The following DNAH12 variants were observed in gnomAD, a reference collection of about 807,000 sequenced individuals.
The protein encoded by DNAH12 is dynein axonemal heavy chain 12.
DNAH12 carries 285 observed loss-of-function variants against 371.5 expected under a neutral mutation model. That is an observed-to-expected ratio of 0.77 (90% CI 0.70 to 0.85). The LOEUF (loss-of-function observed/expected upper bound fraction) is 0.85, where lower values mean the gene tolerates loss of function less well. Ranked by LOEUF, DNAH12 falls within the 40% of genes least tolerant of loss-of-function variation. The pLI, the probability that DNAH12 is intolerant of heterozygous loss-of-function variation, is 0.00. For synonymous variants in DNAH12, 1,200 were observed against 1,213.0 expected (o/e 0.99, Z 0.22); for missense variants, 3,611 against 3,689.4 (o/e 0.98, Z 0.55).
intron 23 of DNAH12, among the ~76,000 whole-genome samples, chr3:57,454,498 A>T (rs993266905): frequency 1.3e-5 from 2 of 150,804 alleles, no homozygotes; most frequent in Non-Finnish European, 3.0e-5. Context: ...AAAAAAAATG[A>T]ATAGTTGTAA....
At chr3:57,341,354 T>TA (rs1197459212) in intron 60 of DNAH12, among the ~76,000 whole-genome samples, 6 of 152,122 alleles carry the variant, frequency 3.9e-5, no homozygotes, top group Non-Finnish European at 8.8e-5. Context: ...TAGAAAAACT[T>TA]AGACTCTACC....
rs2062988314 is a variant in DNAH12, at chr3:57,363,732, C to T, written c.9222G>A (p.Lys3074=). 6.6e-6 allele frequency: 1 copy of T among 152,034 alleles called. No homozygotes were observed. Among genetic ancestry groups the T allele is most frequent in the Non-Finnish European group, 1.5e-5 (1 of 67,970 alleles). 9.4% of individuals were successfully genotyped at this position (152,034 alleles called of 1,614,324 possible). A position where few individuals can be genotyped will look rare whatever the true frequency, so the allele number is the denominator to read the frequency against. ...NALILQSAAN[K]KQLKDIEKKI... ...TTTTCTCTATGTCTTTCAGCTGTTT[C>T]TTGTTAGCTGCAGACTGAAGAATCA... The change falls in exon 58 of 74, where the codon AAG becomes AAA. Residue 3074 remains lysine, a synonymous_variant. Transcript: ENST00000495027.
chr3:57,404,261 G>A (rs73833902), intron 42 of DNAH12, among the ~76,000 whole-genome samples: 2,626 of 151,998 alleles, frequency 0.017, 91 homozygotes, highest in African/African-American at 0.06. Context: ...ATGCAATATA[G>A]TGGTAAATAT....
Position 57,323,113 on chromosome 3 carries a change from A to G in DNAH12, c.10277T>C (p.Leu3426Pro), listed in dbSNP as rs1247685792. Residue 3426 changes from leucine (L) to proline (P), a missense_variant, in exon 64 of 74, where the codon CTT becomes CCT. Transcript: ENST00000495027. ...GTWVCLQNCH[L>P]AVSWMPMLEK... ...CAACATGGGCATCCAGGACACTGCA[A>G]GATGGCAATTCTGTAGGCACACCCA... 2 of 1,552,338 alleles carry G rather than the reference A, an allele frequency of 1.3e-6. No individual in the cohort carries two copies. Among genetic ancestry groups the G allele is most frequent in the Admixed American group, 2.0e-5 (1 of 50,998 alleles).
At chr3:57,523,354 G>C (rs1335032957) in intron 4 of DNAH12, among the ~76,000 whole-genome samples, 1 of 152,108 alleles carries the variant, frequency 6.6e-6, no homozygotes, top group East Asian at 1.9e-4. Flanking sequence ...CTGCCCTCCA[G>C]CCTTGGTGAC....
rs1326419925 is a variant in DNAH12, at chr3:57,322,353, C to T, written c.10514G>A (p.Gly3505Glu). 6.4e-7 allele frequency: 1 copy of T among 1,550,888 alleles called. No individual in the cohort carries two copies. Among genetic ancestry groups the T allele is most frequent in the South Asian group, 1.2e-5 (1 of 83,788 alleles). ...SDPEFFKGCR[G>E]KELAWEKLLF... ...AAAGATGAATATTACCAGTTCCTTTCCACGGCATCCCTTGAAAAACTCAGG... is the reference window on the plus strand; with the variant it reads ...AAAGATGAATATTACCAGTTCCTTTTCACGGCATCCCTTGAAAAACTCAGG... Residue 3505 changes from glycine to glutamate, a missense_variant, in exon 65 of 74, where the codon GGA (glycine) becomes GAA (glutamate). Coordinates refer to ENST00000495027, the MANE Select transcript of DNAH12 (RefSeq NM_001366028.2).
At chr3:57,489,720 T>A (rs2067052161) in intron 11 of DNAH12, 33 bp from the exon 12 acceptor site, 2 of 1,438,830 alleles carry the variant, frequency 1.4e-6, no homozygotes, top group Non-Finnish European at 1.8e-6. Context: ...AAAAAAAAAA[T>A]GTTTAGAACT....
chr3:57,297,104 T>TC (rs2061248277), intron 70 of DNAH12, 120 bp from the exon 71 acceptor site: 2 of 1,153,852 alleles, frequency 1.7e-6, no homozygotes, highest in Non-Finnish European at 2.4e-6. Context: ...CACGAGGCCC[T>TC]CTTCCCTGAC....
At chr3:57,532,201 A>G (rs1003917991) in intron 2 of DNAH12, among the ~76,000 whole-genome samples, 2 of 151,932 alleles carry the variant, frequency 1.3e-5, no homozygotes, top group Admixed American at 6.6e-5. Context: ...AATTATTTCA[A>G]TCTCCTTGTT....
chr3:57,508,194 A>C (rs1322554376), intron 7 of DNAH12, among the ~76,000 whole-genome samples, 188 bp downstream of exon 7: 8 of 104,022 alleles, frequency 7.7e-5, no homozygotes, highest in African/African-American at 1.2e-4. Context: ...CACGGGAAAA[A>C]AAAAACAAAA....
Position 57,507,800 on chromosome 3 carries a change from T to A in DNAH12, c.740A>T (p.Asp247Val). ...GPIDCESLKT[D>V]LSIQTRNAEE... ...TGCGTTTCTAGTTTGTATTGATAGA[T>A]CAGTTTTCAGTGATTCACAGTCAAT... Residue 247 changes from aspartate (D) to valine (V), a missense_variant, in exon 8 of 74, where the codon GAT becomes GTT. Around this residue, in one of 3 missense-constraint regions of DNAH12, gnomAD observed 1,314 missense variants for 1,398.7 expected, o/e 0.94. Transcript: ENST00000495027. 6.3e-7 allele frequency: 1 copy of A among 1,592,146 alleles called. No homozygotes were observed. The highest frequency in any genetic ancestry group is 8.5e-7 in the Non-Finnish European group (1 of 1,175,696).
At chr3:57,431,063 T>C (rs940945272) in intron 32 of DNAH12, among the ~76,000 whole-genome samples, 1 of 152,240 alleles carries the variant, frequency 6.6e-6, no homozygotes, top group Non-Finnish European at 1.5e-5. Flanking sequence ...AAAGTTCTAC[T>C]GGACATGCTG....
intron 34 of DNAH12, 200 bp downstream of exon 34, chr3:57,428,433 A>G: frequency 6.6e-7 from 1 of 1,523,774 alleles, no homozygotes; most frequent in Non-Finnish European, 8.8e-7. Flanking sequence ...CTATGGTTGT[A>G]TACAAATAGT....
At chr3:57,393,196 T>C (rs1439425853) in intron 44 of DNAH12, among the ~76,000 whole-genome samples, 2 of 152,202 alleles carry the variant, frequency 1.3e-5, no homozygotes, top group Non-Finnish European at 2.9e-5. Flanking sequence ...AGCAGAGTAC[T>C]TGAAAGTGTG....
At chr3:57,360,679 C>T (rs1394742887) in intron 58 of DNAH12, among the ~76,000 whole-genome samples, 10 of 92,732 alleles carry the variant, frequency 1.1e-4, no homozygotes, top group African/African-American at 4.4e-4. Context: ...AAGAGCGAAA[C>T]TCTGTAACAA....
At chr3:57,446,428 A>G in intron 26 of DNAH12, 109 bp downstream of exon 26, 1 of 1,432,390 alleles carries the variant, frequency 7.0e-7, no homozygotes, top group Non-Finnish European at 9.3e-7. Flanking sequence ...AAGTCCAAGT[A>G]ATATTCAAAC....
intron 32 of DNAH12, among the ~76,000 whole-genome samples, chr3:57,431,745 T>C (rs1462812326): frequency 6.6e-6 from 1 of 152,210 alleles, no homozygotes; most frequent in East Asian, 1.9e-4. Context: ...AATGATAATT[T>C]ATGGTCTTCC....
chr3:57,414,238 T>C (rs11925659), intron 38 of DNAH12, among the ~76,000 whole-genome samples: 2 of 152,214 alleles, frequency 1.3e-5, no homozygotes, highest in African/African-American at 4.8e-5. Flanking sequence ...TCCTATGCAC[T>C]CACAATTGTT....
chr3:57,434,855 C>T (rs904426890), intron 30 of DNAH12, among the ~76,000 whole-genome samples: 2 of 151,736 alleles, frequency 1.3e-5, no homozygotes, highest in African/African-American at 4.8e-5. Flanking sequence ...AGAACCATAA[C>T]AAAGAAATGA....
Sources: gnomAD v4.1 joint callset for allele counts (sites outside exome capture counted in the v4.1 genomes callset) on GRCh38, gnomAD v4.1.1 for gene constraint, gnomAD v4.1.1 regional missense constraint, MANE v1.5 for transcripts, NCBI Gene and HGNC (gene_info 2026-07-23, HGNC 2026-07-21) for gene names.